The following PPP4R3B variants were observed in gnomAD, a reference collection of about 807,000 sequenced individuals.
The protein encoded by PPP4R3B is protein phosphatase 4 regulatory subunit 3B.
Under a neutral mutation model 95.4 loss-of-function variants are expected in PPP4R3B, and 52 were observed. The ratio of observed to expected loss-of-function variants is 0.54; its 90% CI spans 0.44 to 0.69. The LOEUF is 0.69. Among genes scored for constraint, PPP4R3B ranks in the 30% least tolerant of loss-of-function variants. PPP4R3B has a pLI of 0.00. For synonymous variants in PPP4R3B, 407 were observed against 343.9 expected (o/e 1.18, Z -2.03); for missense variants, 1,003 against 1,005.9 (o/e 1.00, Z 0.04).
chr2:55,605,818 A>T (rs1693294561), intron 2 of PPP4R3B, among the ~76,000 whole-genome samples: 1 of 151,420 alleles, frequency 6.6e-6, no homozygotes, highest in African/African-American at 2.4e-5. Flanking sequence ...AGGCAAAAGA[A>T]TCGCTTGAAC....
chr2:55,579,252 T>C (rs1020500666), intron 9 of PPP4R3B, among the ~76,000 whole-genome samples: 4 of 152,134 alleles, frequency 2.6e-5, no homozygotes, highest in Admixed American at 6.5e-5. Context: ...TTAGCACATA[T>C]TGGCATATGA....
chr2:55,559,137 C>T (rs1419084448), intron 15 of PPP4R3B, among the ~76,000 whole-genome samples, 169 bp from the exon 16 acceptor site: 7 of 151,994 alleles, frequency 4.6e-5, no homozygotes, highest in South Asian at 2.1e-4. Flanking sequence ...CACCCAAGGC[C>T]GGAGTTCAAG....
At chr2:55,588,733 C>T (rs531698351) in intron 5 of PPP4R3B, 146 bp downstream of exon 5, 3 of 531,442 alleles carry the variant, frequency 5.6e-6, no homozygotes, top group Non-Finnish European at 1.0e-5. Context: ...TCTGAATAAT[C>T]ATTTCATAGT....
At chr2:55,585,257 C>G (rs562672174) in intron 6 of PPP4R3B, 90 bp from the exon 7 acceptor site, 1 of 875,536 alleles carries the variant, frequency 1.1e-6, no homozygotes, top group South Asian at 1.9e-5. Flanking sequence ...TACACTAGCT[C>G]TCAACTTTTT....
At chr2:55,560,080 C>G (rs552500215) in intron 15 of PPP4R3B, among the ~76,000 whole-genome samples, 101 of 152,180 alleles carry the variant, frequency 6.6e-4, no homozygotes, top group African/African-American at 2.3e-3. Context: ...TGAGATTGTG[C>G]CACTGCCCAC....
chr2:55,557,721 G>A (rs1326819379), intron 16 of PPP4R3B, among the ~76,000 whole-genome samples: 1 of 152,034 alleles, frequency 6.6e-6, no homozygotes, highest in Non-Finnish European at 1.5e-5. Flanking sequence ...AATTAGGTAT[G>A]TACTACCACG....
chr2:55,597,361 G>A (rs1391176598), intron 4 of PPP4R3B, among the ~76,000 whole-genome samples: 1 of 152,094 alleles, frequency 6.6e-6, no homozygotes, highest in Non-Finnish European at 1.5e-5. Context: ...GGTGGCTCAC[G>A]CCTGTAATCC....
At chr2:55,557,442 C>T (rs542349112) in intron 16 of PPP4R3B, among the ~76,000 whole-genome samples, 3 of 152,350 alleles carry the variant, frequency 2.0e-5, no homozygotes, top group African/African-American at 7.2e-5. Flanking sequence ...ATCCTCCTGC[C>T]TTGGCCTCCC....
intron 4 of PPP4R3B, among the ~76,000 whole-genome samples, chr2:55,596,411 T>C (rs1189676693): frequency 6.6e-6 from 1 of 152,200 alleles, no homozygotes; most frequent in Non-Finnish European, 1.5e-5. Flanking sequence ...GACAATACCA[T>C]GTGCAGGACT....
chr2:55,585,026 A>G, intron 7 of PPP4R3B, 25 bp downstream of exon 7: 1 of 1,533,702 alleles, frequency 6.5e-7, no homozygotes. Context: ...GGTAATTCAC[A>G]TAGAACCACA....
intron 11 of PPP4R3B, among the ~76,000 whole-genome samples, chr2:55,574,815 C>T (rs771238705): frequency 2.0e-5 from 3 of 151,546 alleles, no homozygotes; most frequent in Admixed American, 6.6e-5. Flanking sequence ...AGGATGGTCT[C>T]GATCTCCTGA....
At chr2:55,562,612 A>G (rs1433485355) in intron 15 of PPP4R3B, among the ~76,000 whole-genome samples, 1 of 152,202 alleles carries the variant, frequency 6.6e-6, no homozygotes, top group East Asian at 1.9e-4. Flanking sequence ...TCTTTTCTTC[A>G]TAAACTACCC....
chr2:55,589,859 T>A (rs1009512069), intron 4 of PPP4R3B, among the ~76,000 whole-genome samples: 4 of 145,570 alleles, frequency 2.7e-5, no homozygotes, highest in Admixed American at 2.1e-4. Flanking sequence ...GAGCTTGCAG[T>A]GAGCCGAGAT....
chr2:55,581,802 A>G, intron 7 of PPP4R3B, 104 bp from the exon 8 acceptor site: 1 of 1,200,780 alleles, frequency 8.3e-7, no homozygotes, highest in Non-Finnish European at 1.1e-6. Flanking sequence ...TATATAGAGA[A>G]AAAACGAAGA....
At chr2:55,576,427 G>A (rs1688671962) in intron 11 of PPP4R3B, among the ~76,000 whole-genome samples, 1 of 148,954 alleles carries the variant, frequency 6.7e-6, no homozygotes, top group Non-Finnish European at 1.5e-5. Flanking sequence ...CCTCAATGCT[G>A]TATGTGGAAA....
chr2:55,562,302 A>T (rs148310523), intron 15 of PPP4R3B, among the ~76,000 whole-genome samples: 5,543 of 152,176 alleles, frequency 0.036, 139 homozygotes, highest in South Asian at 0.089. Context: ...CATGCCTGTA[A>T]TCCCAACTAC....
At chr2:55,609,979 T>C (rs753065502) in intron 2 of PPP4R3B, among the ~76,000 whole-genome samples, 7 of 152,110 alleles carry the variant, frequency 4.6e-5, no homozygotes, top group African/African-American at 1.2e-4. Context: ...TGGGCTAATA[T>C]ATTACACACT....
intron 2 of PPP4R3B, among the ~76,000 whole-genome samples, chr2:55,610,515 G>C (rs1346539995): frequency 2.6e-5 from 4 of 152,118 alleles, no homozygotes; most frequent in Non-Finnish European, 5.9e-5. Flanking sequence ...CCACCACCAA[G>C]AATGAAGTTT....
At chr2:55,592,267 G>C (rs929454535) in intron 4 of PPP4R3B, among the ~76,000 whole-genome samples, 1 of 152,132 alleles carries the variant, frequency 6.6e-6, no homozygotes, top group African/African-American at 2.4e-5. Flanking sequence ...ACCTTTCTGA[G>C]GGTAGCTAGT....
Sources: gnomAD v4.1 joint callset for allele counts (sites outside exome capture counted in the v4.1 genomes callset) on GRCh38, gnomAD v4.1.1 for gene constraint, MANE v1.5 for transcripts, NCBI Gene and HGNC (gene_info 2026-07-23, HGNC 2026-07-21) for gene names.